Variants in ATRX observed in about 807,000 individuals in gnomAD.
The protein encoded by ATRX is chromatin remodeler ATRX.
A neutral mutation model predicts 172.6 loss-of-function variants in ATRX; 12 were observed. That is an observed-to-expected ratio of 0.07 (90% CI 0.04 to 0.11). The LOEUF (loss-of-function observed/expected upper bound fraction) is 0.11, where lower values mean the gene tolerates loss of function less well. ATRX is among the 10% of genes least tolerant of loss of function. ATRX has a pLI of 1.00. For missense variants in ATRX, 1,368 were observed against 1,767.4 expected (o/e 0.77, Z 4.05); for synonymous variants, 674 against 594.7 (o/e 1.13, Z -1.94).
intron 30 of ATRX, among the ~76,000 whole-genome samples, chrX:77,533,218 G>A (rs1463319041): frequency 1.8e-5 from 2 of 112,377 alleles, no homozygotes; most frequent in Middle Eastern, 4.6e-3. Flanking sequence ...ACAGTGTGGC[G>A]ATTCCTCAAA....
At chrX:77,661,385 C>A (rs940108960) in intron 12 of ATRX, among the ~76,000 whole-genome samples, 1 of 109,408 alleles carries the variant, frequency 9.1e-6, no homozygotes, top group Non-Finnish European at 1.9e-5. Context: ...TACGGTGGCT[C>A]ACGCCTATAA....
chrX:77,574,437 C>T (rs2065535127), intron 27 of ATRX, 79 bp from the exon 28 acceptor site: 1 of 720,089 alleles, frequency 1.4e-6, no homozygotes, highest in Non-Finnish European at 2.2e-6. Context: ...TTCCACCTTG[C>T]TCATCATTTA....
intron 30 of ATRX, among the ~76,000 whole-genome samples, chrX:77,535,725 CT>C (rs1195594389): frequency 8.5e-5 from 9 of 106,281 alleles, no homozygotes; most frequent in South Asian, 4.1e-4. Flanking sequence ...TAAATTATGT[CT>C]TTTTTTTTTG....
chrX:77,739,712 A>G (rs2148841756), intron 1 of ATRX, among the ~76,000 whole-genome samples: 1 of 110,614 alleles, frequency 9.0e-6, no homozygotes, highest in East Asian at 2.8e-4. Flanking sequence ...AAATAAGCCC[A>G]CAGACACCTA....
At chrX:77,664,506 C>T in intron 11 of ATRX, 139 bp downstream of exon 11, 1 of 845,225 alleles carries the variant, frequency 1.2e-6, no homozygotes, top group Non-Finnish European at 1.7e-6. Context: ...CTGCTTCGGC[C>T]TCCCAAAGTC....
chrX:77,571,920 T>G (rs1171454005), intron 28 of ATRX, among the ~76,000 whole-genome samples: 3 of 111,738 alleles, frequency 2.7e-5, no homozygotes, highest in Non-Finnish European at 5.7e-5. Context: ...GTCATTATCT[T>G]AAAGTTTATT....
intron 1 of ATRX, among the ~76,000 whole-genome samples, chrX:77,779,238 C>T (rs2076485553): frequency 9.3e-6 from 1 of 107,517 alleles, no homozygotes; most frequent in Non-Finnish European, 1.9e-5. Flanking sequence ...CCACGGCGCC[C>T]GGCTCAAATG....
chrX:77,652,601 A>G (rs1347311108), intron 14 of ATRX, among the ~76,000 whole-genome samples: 2 of 107,461 alleles, frequency 1.9e-5, no homozygotes, highest in East Asian at 2.9e-4. Context: ...GGAGATAGAG[A>G]CCATCCTGGC....
chrX:77,685,310 C>T (rs1557143271), intron 7 of ATRX, among the ~76,000 whole-genome samples: 2 of 111,680 alleles, frequency 1.8e-5, no homozygotes, highest in Non-Finnish European at 3.8e-5. Flanking sequence ...TTAATAACCA[C>T]AATATATAAA....
chrX:77,761,659 T>C (rs191889259), intron 1 of ATRX, among the ~76,000 whole-genome samples: 1 of 111,691 alleles, frequency 9.0e-6, no homozygotes, highest in African/African-American at 3.2e-5. Flanking sequence ...CTGTGTGTGC[T>C]GAAAACACCT....
intron 1 of ATRX, among the ~76,000 whole-genome samples, chrX:77,732,756 T>G (rs2148816062): frequency 8.9e-6 from 1 of 111,737 alleles, no homozygotes; most frequent in African/African-American, 3.2e-5. Flanking sequence ...AAAAATGGGT[T>G]TAGGAGGAAC....
chrX:77,548,849 G>A (rs192300395), intron 30 of ATRX, among the ~76,000 whole-genome samples: 17 of 112,011 alleles, frequency 1.5e-4, no homozygotes, highest in South Asian at 1.5e-3. Flanking sequence ...CAAATTCAGC[G>A]TAGAGAAAAC....
intron 22 of ATRX, among the ~76,000 whole-genome samples, chrX:77,609,950 G>C (rs929036560): frequency 6.3e-5 from 7 of 111,609 alleles, no homozygotes; most frequent in Admixed American, 9.5e-5. Context: ...GTGACTACAG[G>C]CAACAATAAT....
At chrX:77,634,043 A>C (rs2148346496) in intron 17 of ATRX, among the ~76,000 whole-genome samples, 1 of 110,421 alleles carries the variant, frequency 9.1e-6, no homozygotes, top group East Asian at 2.8e-4. Flanking sequence ...ATCATGTTAC[A>C]TAATATTTTT....
chrX:77,697,031 A>G (rs782758987), intron 4 of ATRX, among the ~76,000 whole-genome samples: 1 of 112,412 alleles, frequency 8.9e-6, no homozygotes, highest in South Asian at 3.7e-4. Flanking sequence ...AGAAACAATG[A>G]AAGTCCAATA....
intron 10 of ATRX, among the ~76,000 whole-genome samples, chrX:77,670,473 G>A (rs2070496562): frequency 8.9e-6 from 1 of 112,175 alleles, no homozygotes; most frequent in Non-Finnish European, 1.9e-5. Flanking sequence ...CAAAACATGT[G>A]GCCGGGCACG....
intron 34 of ATRX, among the ~76,000 whole-genome samples, chrX:77,518,508 G>A (rs2063125036): frequency 9.0e-6 from 1 of 111,385 alleles, no homozygotes; most frequent in Admixed American, 9.5e-5. Flanking sequence ...ATGGAAGAGG[G>A]TACAAAAAAA....
Position 77,618,230 on chromosome X carries a change from G to A in ATRX, c.5448+576C>T, listed in dbSNP as rs782114764. ...TACCTAACATCTACAGAGAAAGTGC[G>A]TATCTTGAGATCTATTAACTGCCAG... On this transcript the variant is annotated intron_variant, in intron 21 of 34. Coordinates refer to ENST00000373344, the MANE Select transcript of ATRX (RefSeq NM_000489.6). 4.5e-5 allele frequency among the ~76,000 whole-genome samples: 5 copies of A among 111,677 alleles called. No individual in the cohort carries two copies. In the South Asian group the frequency reaches 1.9e-3, roughly 43 times the overall value.
chrX:77,558,998 T>TTC, intron 28 of ATRX, 152 bp from the exon 29 acceptor site: 1 of 459,223 alleles, frequency 2.2e-6, no homozygotes, highest in Non-Finnish European at 3.6e-6. Context: ...ATATATTATC[T>TTC]AAGGAGTCAG....
Sources: gnomAD v4.1 joint callset for allele counts (sites outside exome capture counted in the v4.1 genomes callset) on GRCh38, gnomAD v4.1.1 for gene constraint, MANE v1.5 for transcripts, NCBI Gene and HGNC (gene_info 2026-07-23, HGNC 2026-07-21) for gene names.